Variants in PLRG1 observed in about 807,000 individuals in gnomAD.
PLRG1 encodes the protein pleiotropic regulator 1.
PLRG1 carries 28 observed loss-of-function variants against 74.9 expected under a neutral mutation model. The observed-to-expected ratio is 0.37, with a 90% CI of 0.28 to 0.51. PLRG1 has a LOEUF of 0.51. Among genes scored for constraint, PLRG1 ranks in the 20% least tolerant of loss-of-function variants. The pLI is 0.91. For missense variants in PLRG1, 445 were observed against 631.9 expected, an observed-to-expected ratio of 0.70 and a Z score of 3.17; for synonymous variants, 197 against 212.4, an observed-to-expected ratio of 0.93 and a Z score of 0.63.
intron 6 of PLRG1, 102 bp downstream of exon 6, chr4:154,545,734 C>A: frequency 3.1e-6 from 2 of 637,460 alleles, no homozygotes; most frequent in Admixed American, 3.3e-5. Flanking sequence ...ATATGAATGA[C>A]TAGCTCAGGC....
Position 154,536,552 on chromosome 4 carries a change from T to C in PLRG1, c.*133A>G. 1 of 643,872 alleles carries C rather than the reference T, an allele frequency of 1.6e-6. No homozygotes were observed. Among genetic ancestry groups the C allele is most frequent in the Non-Finnish European group, 2.8e-6 (1 of 361,914 alleles). The allele number at this position is 643,872 out of a possible 1,614,324, so 39.9% of individuals were successfully genotyped here. On this transcript the variant is annotated 3_prime_UTR_variant, in exon 15 of 15. Coordinates refer to ENST00000499023, the MANE Select transcript of PLRG1 (RefSeq NM_002669.4). ...TTTATTGTAAAATATGAAGCAGCAA[T>C]GATTGAAGCAAGTGAATTTCTCCTT... is the stretch of plus-strand genomic sequence containing the variant.
chr4:154,542,129 G>T, intron 8 of PLRG1, 58 bp downstream of exon 8: 3 of 1,071,078 alleles, frequency 2.8e-6, no homozygotes, highest in South Asian at 1.3e-5. Context: ...AATAATAACT[G>T]ATTAAACTTA....
chr4:154,542,331 T>A, intron 7 of PLRG1, 52 bp from the exon 8 acceptor site: 5 of 1,164,018 alleles, frequency 4.3e-6, no homozygotes, highest in Non-Finnish European at 5.2e-6. Flanking sequence ...TAAAATGTAT[T>A]TAAGTTTAAC....
chr4:154,550,192 G>A (rs1222350577), intron 1 of PLRG1, 108 bp downstream of exon 1: 5 of 1,045,024 alleles, frequency 4.8e-6, no homozygotes, highest in East Asian at 2.4e-5. Context: ...AGCTCCCCTC[G>A]TAGCCTCTTT....
intron 11 of PLRG1, among the ~76,000 whole-genome samples, chr4:154,539,588 G>T (rs1234877558): frequency 6.6e-6 from 1 of 151,986 alleles, no homozygotes; most frequent in Non-Finnish European, 1.5e-5. Flanking sequence ...TTTATTTAGA[G>T]CAAAGTAAGA....
intron 11 of PLRG1, 68 bp from the exon 12 acceptor site, chr4:154,539,281 T>C (rs1177567727): frequency 6.4e-6 from 6 of 930,902 alleles, no homozygotes; most frequent in Non-Finnish European, 1.1e-5. Context: ...TTAAATAAAA[T>C]ACAAAGCATT....
chr4:154,538,035 G>A lies in PLRG1; in HGVS notation c.1225C>T (p.Leu409Phe). The A allele has an allele frequency of 3.2e-6, 5 of 1,550,886 alleles. No individual in the cohort carries two copies. The highest frequency in any genetic ancestry group is 1.4e-5 in the African/African-American group (1 of 73,814). ...KFPDGSFIQN[L>F]SGHNAIINTL... ...TTAATAATAGCATTATGACCGGAAA[G>A]ATTTTGAATGAAACTTCCATCAGGG... is the stretch of plus-strand genomic sequence containing the variant. Residue 409 changes from leucine to phenylalanine, a missense_variant, in exon 13 of 15, where the codon CTT becomes TTT. Physicochemically the swap from Leu to Phe is conservative, Grantham distance 22. Coordinates refer to ENST00000499023, the MANE Select transcript of PLRG1 (RefSeq NM_002669.4).
chr4:154,541,979 T>C (rs973816305), intron 8 of PLRG1: 15 of 540,082 alleles, frequency 2.8e-5, no homozygotes, highest in Admixed American at 2.8e-4. Flanking sequence ...AGGTATTCAG[T>C]AGGTAAAGAA....
rs773088495 is a variant in PLRG1, at chr4:154,548,934, T to A, written c.11A>T (p.Glu4Val). 1 of 1,542,994 alleles carries A rather than the reference T, an allele frequency of 6.5e-7. No homozygotes were observed. Among genetic ancestry groups the A allele is most frequent in the South Asian group, 1.1e-5 (1 of 89,684 alleles). MVE[E>V]VQKHSVHTLV... is the part of the protein sequence containing the mutation. ...GGTGTGTACAGAATGTTTCTGTACC[T>A]CCTAAAAAAAAAGAATGTAATTACA... The change falls in exon 2 of 15, where the codon GAG becomes GTG. Residue 4 changes from glutamate (E) to valine (V), a missense_variant and splice_region_variant. Transcript: ENST00000499023.
intron 14 of PLRG1, 75 bp downstream of exon 14, chr4:154,537,211 C>T (rs1170276347): frequency 5.9e-6 from 5 of 847,018 alleles, no homozygotes; most frequent in Middle Eastern, 2.4e-4. Context: ...ATTTTTCCTT[C>T]TGATAATTAA....
In PLRG1 at chr4:154,544,469, C is replaced by T; in HGVS notation, c.570G>A (p.Trp190Ter). 6.2e-7 allele frequency: 1 copy of T among 1,607,282 alleles called. No homozygotes were observed. Among genetic ancestry groups the T allele is most frequent in the Non-Finnish European group, 8.5e-7 (1 of 1,173,834 alleles). ...KKAPTMPKPQWHPPWKLYRVI... is the reference protein window; with the variant it reads ...KKAPTMPKPQ Reference sequence around the variant, plus strand: ...CCCTGTAGAGTTTCCACGGTGGGTGCCACTGGGGTTTTGGCATTGTAGGGG... The same window carrying T: ...CCCTGTAGAGTTTCCACGGTGGGTGTCACTGGGGTTTTGGCATTGTAGGGG... The change falls in exon 7 of 15, where the codon TGG becomes TGA. Residue 190 changes from tryptophan to a stop codon, truncating the protein, a stop_gained. Transcript: ENST00000499023. LOFTEE classifies it high-confidence loss of function.
At position 154,538,057 on chromosome 4, in the gene PLRG1, A is replaced by G. The variant is rs769855215; in HGVS notation, c.1203T>C (p.Pro401=). 1.0e-5 allele frequency: 16 copies of G among 1,526,650 alleles called. No homozygotes were observed. The highest frequency in any genetic ancestry group is 1.4e-5 in the Non-Finnish European group (16 of 1,111,840). The allele number at this position is 1,526,650 out of a possible 1,614,324, so 94.6% of individuals were successfully genotyped here. ...AAAGATTTTGAATGAAACTTCCATC[A>G]GGGAATTTCCACTGCTTTATGTTAT... The part of the protein sequence containing the change: ...SPDNIKQWKF[P]DGSFIQNLSG... Residue 401 remains proline (P), a synonymous_variant, in exon 13 of 15, where the codon CCT becomes CCC. Transcript: ENST00000499023.
chr4:154,537,266 A>C lies in PLRG1; in HGVS notation c.1485+20T>G. ...TTGGTATAGCTGTTTTACTTAACGA[A>C]TGTGAAACACAGAACTTACGGCTGT... On this transcript the variant is annotated intron_variant, in intron 14 of 14. Transcript: ENST00000499023. 6.4e-7 allele frequency: 1 copy of C among 1,556,304 alleles called. No individual in the cohort carries two copies. Among genetic ancestry groups the C allele is most frequent in the Non-Finnish European group, 8.8e-7 (1 of 1,134,766 alleles).
chr4:154,547,800 T>C lies in PLRG1; in HGVS notation c.170A>G (p.His57Arg). The C allele has an allele frequency of 6.2e-7, 1 of 1,612,622 alleles. No individual in the cohort carries two copies. Among genetic ancestry groups the C allele is most frequent in the Non-Finnish European group, 8.5e-7 (1 of 1,178,704 alleles). The change falls in exon 3 of 15, where the codon CAT becomes CGT. Residue 57 changes from histidine (H) to arginine (R), a missense_variant. Physicochemically the swap from His to Arg is conservative, Grantham distance 29 (BLOSUM62 0). This residue lies in a region of PLRG1 where 206 missense variants were observed against 210.8 expected (regional missense o/e 0.98). Transcript: ENST00000499023. ...KLRNEYGPVL[H>R]MPTSKENLKE... ...AAGATTTTCTTTTGAAGTAGGCATA[T>C]GCAACACAGGACCATACTCATTACG...
chr4:154,540,587 C>A lies in PLRG1; in HGVS notation c.939+7G>T, dbSNP rs1729538529. 1 of 1,584,476 alleles carries A rather than the reference C, an allele frequency of 6.3e-7. No individual in the cohort carries two copies. Among genetic ancestry groups the A allele is most frequent in the Non-Finnish European group, 8.7e-7 (1 of 1,153,094 alleles). On this transcript the variant is annotated splice_region_variant and intron_variant, in intron 10 of 14. Coordinates refer to ENST00000499023, the MANE Select transcript of PLRG1 (RefSeq NM_002669.4). ...TACAGATAAATACACAACTCTATCC[C>A]ATTTACCCGTGCAGTTGAATCTCGA...
At position 154,544,595 on chromosome 4, in the gene PLRG1, C is replaced by A. The variant is rs200429558; in HGVS notation, c.493-49G>T. The A allele has an allele frequency of 3.2e-6, 3 of 941,648 alleles. No individual in the cohort carries two copies. In the Admixed American group the frequency reaches 6.5e-5, roughly 20 times the overall value. 58.3% of individuals were successfully genotyped at this position (941,648 alleles called of 1,614,324 possible). ...ATTATTAAAGACATCATACCTAAGG[C>A]TTCATGATATCAATTCAGAAATGGA... On this transcript the variant is annotated intron_variant, in intron 6 of 14. Coordinates refer to ENST00000499023, the MANE Select transcript of PLRG1 (RefSeq NM_002669.4).
chr4:154,535,726 TCTC>T lies in PLRG1; in HGVS notation c.*956_*958del, dbSNP rs1338364664. The T allele has an allele frequency of 6.6e-6, 1 of 152,074 alleles. No homozygotes were observed. The highest frequency in any genetic ancestry group is 2.4e-5 in the African/African-American group (1 of 41,428). The allele number at this position is 152,074 out of a possible 1,614,324, so 9.4% of individuals were successfully genotyped here. On this transcript the variant is annotated 3_prime_UTR_variant, in exon 15 of 15. Transcript: ENST00000499023. ...CATCAGTATTAGAAACTTTAAAACTTCTCTTTAAAATCTCCGCAAGATTGCAGC... is the reference window on the plus strand; with the variant it reads ...CATCAGTATTAGAAACTTTAAAACTTTTTAAAATCTCCGCAAGATTGCAGC...
intron 8 of PLRG1, chr4:154,541,907 A>G: frequency 2.7e-6 from 1 of 364,538 alleles, no homozygotes; most frequent in Non-Finnish European, 5.1e-6. Context: ...TCTATGAATG[A>G]GCATGCTCTT....
In PLRG1 at chr4:154,535,702, A is replaced by G. The variant is rs1729434266; in HGVS notation, c.*983T>C. The G allele has an allele frequency of 6.6e-6, 1 of 152,112 alleles. No individual in the cohort carries two copies. Among genetic ancestry groups the G allele is most frequent in the African/African-American group, 2.4e-5 (1 of 41,418 alleles). 9.4% of individuals were successfully genotyped at this position (152,112 alleles called of 1,614,324 possible). A position where few individuals can be genotyped will look rare whatever the true frequency, so the allele number is the denominator to read the frequency against. On this transcript the variant is annotated 3_prime_UTR_variant, in exon 15 of 15. Coordinates refer to ENST00000499023, the MANE Select transcript of PLRG1 (RefSeq NM_002669.4). ...AAACTTGTATTTACCAAAAAGAGGCATCAGTATTAGAAACTTTAAAACTTC... is the reference window on the plus strand; with the variant it reads ...AAACTTGTATTTACCAAAAAGAGGCGTCAGTATTAGAAACTTTAAAACTTC...
Sources: allele counts gnomAD v4.1 joint callset (sites outside exome capture counted in the v4.1 genomes callset), GRCh38; gene constraint gnomAD v4.1.1; regional missense constraint gnomAD v4.1.1; transcripts MANE v1.5; gene names NCBI Gene and HGNC (gene_info 2026-07-23, HGNC 2026-07-21).